GAB2: variants seen among roughly 807,000 people sequenced by gnomAD.
GAB2 encodes the protein GRB2 associated binding protein 2.
In GAB2, 26 loss-of-function variants were observed where a neutral mutation model predicts 65.5. That is an observed-to-expected ratio of 0.40 (90% CI 0.29 to 0.55). The LOEUF (loss-of-function observed/expected upper bound fraction) is 0.55, where lower values mean the gene tolerates loss of function less well. Among genes scored for constraint, GAB2 ranks in the 20% least tolerant of loss-of-function variants. The pLI is 0.53. For synonymous variants in GAB2, 321 were observed against 329.6 expected (o/e 0.97, Z 0.28); for missense variants, 884 against 875.8 (o/e 1.01, Z -0.12).
intron 1 of GAB2, among the ~76,000 whole-genome samples, chr11:78,383,297 T>C (rs556141887): frequency 9.2e-5 from 14 of 151,628 alleles, no homozygotes; most frequent in African/African-American, 3.4e-4. Context: ...AGAAATGAAA[T>C]AATCTTCCAG....
In GAB2 at chr11:78,274,048, G is replaced by A. The variant is rs573913640; in HGVS notation, c.376+6553C>T. ...TTGTAAATTGCCCAGTCTCAGGTAT[G>A]TTTTTATCAGCAGTATGAAAATGGA... On this transcript the variant is annotated intron_variant, in intron 2 of 9. Transcript: ENST00000361507. Among the ~76,000 whole-genome samples, 30 of 152,050 alleles carry A rather than the reference G, an allele frequency of 2.0e-4. No homozygotes were observed. In the South Asian group the frequency reaches 5.6e-3, roughly 28 times the overall value.
chr11:78,409,791 A>C (rs1017692249), intron 1 of GAB2, among the ~76,000 whole-genome samples: 4 of 152,312 alleles, frequency 2.6e-5, no homozygotes, highest in Admixed American at 2.0e-4. Context: ...CATTTATGGA[A>C]TACTTTACCC....
rs1047725149 is a variant in GAB2 at position 78,216,117 on chromosome 11, T to C, written c.*3155A>G. The C allele has an allele frequency of 3.3e-5, 5 of 152,764 alleles. No individual in the cohort carries two copies. The highest frequency in any genetic ancestry group is 3.3e-4 in the Admixed American group (5 of 15,298). The allele number at this position is 152,764 out of a possible 1,614,324, so 9.5% of individuals were successfully genotyped here. A position where few individuals can be genotyped will look rare whatever the true frequency, so the allele number is the denominator to read the frequency against. On this transcript the variant is annotated 3_prime_UTR_variant, in exon 10 of 10. Transcript: ENST00000361507. ...CCTTCAAGCAGCTGAGCACCAGCTG[T>C]GGATGGGACCTCAGCGCAGCTAATC...
chr11:78,255,558 C>G (rs1865573511), intron 2 of GAB2, among the ~76,000 whole-genome samples: 1 of 152,154 alleles, frequency 6.6e-6, no homozygotes, highest in Non-Finnish European at 1.5e-5. Flanking sequence ...TGGTTCCAAC[C>G]CCCAATTCTG....
intron 2 of GAB2, among the ~76,000 whole-genome samples, chr11:78,275,037 A>T (rs186399219): frequency 6.6e-6 from 1 of 152,336 alleles, no homozygotes; most frequent in East Asian, 1.9e-4. Context: ...CACAGAACAG[A>T]TGCTCAATAC....
intron 8 of GAB2, among the ~76,000 whole-genome samples, chr11:78,220,659 CTG>C (rs1461435185): frequency 6.6e-6 from 1 of 152,130 alleles, no homozygotes; most frequent in East Asian, 1.9e-4. Context: ...AAAGATGAAA[CTG>C]TGGTTCACTT....
intron 1 of GAB2, among the ~76,000 whole-genome samples, chr11:78,292,107 T>TA (rs146200993): frequency 0.013 from 2,013 of 152,234 alleles, 38 homozygotes; most frequent in African/African-American, 0.045. Flanking sequence ...ATACAACTGT[T>TA]ATGTTCTTCA....
At chr11:78,292,417 C>T (rs528254205) in intron 1 of GAB2, among the ~76,000 whole-genome samples, 1 of 152,320 alleles carries the variant, frequency 6.6e-6, no homozygotes, top group South Asian at 2.1e-4. Flanking sequence ...GTTCTGTTAT[C>T]TTTGGTATAC....
chr11:78,273,998 A>G (rs1015243185), intron 2 of GAB2, among the ~76,000 whole-genome samples: 2 of 139,022 alleles, frequency 1.4e-5, no homozygotes, highest in Non-Finnish European at 3.0e-5. Context: ...GGTCTATTAA[A>G]CCTGTTTTTT....
intron 1 of GAB2, chr11:78,341,884 T>C: frequency 1.0e-6 from 1 of 986,220 alleles, no homozygotes; most frequent in South Asian, 4.7e-5. Flanking sequence ...AAATTTCTGA[T>C]CCAAGTTATC....
intron 3 of GAB2, among the ~76,000 whole-genome samples, chr11:78,238,181 TTAAAA>T (rs1174156620): frequency 3.0e-5 from 4 of 134,336 alleles, no homozygotes; most frequent in Non-Finnish European, 4.7e-5. Context: ...ACCCTGCAAC[TTAAAA>T]TAAAAGTTGA....
At chr11:78,338,984 G>A (rs187115616) in intron 1 of GAB2, among the ~76,000 whole-genome samples, 20 of 151,900 alleles carry the variant, frequency 1.3e-4, no homozygotes, top group South Asian at 1.0e-3. Context: ...GTGCAGTGGC[G>A]TCATCTCAGC....
chr11:78,243,502 G>C, intron 3 of GAB2, among the ~76,000 whole-genome samples: 1 of 151,598 alleles, frequency 6.6e-6, no homozygotes, highest in Non-Finnish European at 1.5e-5. Context: ...AAAAGAAAAA[G>C]GAGACATTGT....
chr11:78,217,064 C>G lies in GAB2; in HGVS notation c.*2208G>C, dbSNP rs1864183174. The G allele has an allele frequency of 6.6e-6, 1 of 152,546 alleles. No homozygotes were observed. Among genetic ancestry groups the G allele is most frequent in the African/African-American group, 2.4e-5 (1 of 41,462 alleles). 9.4% of individuals were successfully genotyped at this position (152,546 alleles called of 1,614,324 possible). Reference sequence around the variant, plus strand: ...TGGACCCAAGCCCTGCCCTCCTCCTCTGTAAAAATCTGACTCATCCCCTTC... The same window carrying G: ...TGGACCCAAGCCCTGCCCTCCTCCTGTGTAAAAATCTGACTCATCCCCTTC... On this transcript the variant is annotated 3_prime_UTR_variant, in exon 10 of 10. Transcript: ENST00000361507.
chr11:78,322,870 G>A (rs896718877), intron 1 of GAB2, among the ~76,000 whole-genome samples: 1 of 151,424 alleles, frequency 6.6e-6, no homozygotes, highest in East Asian at 1.9e-4. Flanking sequence ...CACTGTTGGT[G>A]GGAATGTAAA....
At position 78,253,050 on chromosome 11, in the gene GAB2, A is replaced by G. The variant is rs917633732; in HGVS notation, c.377-2650T>C. 2.5e-5 allele frequency among the ~76,000 whole-genome samples: 3 copies of G among 121,716 alleles called. No homozygotes were observed. The Admixed American group carries it at 3.5e-4, about 14-fold the overall frequency. 79.9% of individuals were successfully genotyped at this position (121,716 alleles called of 152,430 possible). A position where few individuals can be genotyped will look rare whatever the true frequency, so the allele number is the denominator to read the frequency against. Reference sequence around the variant, plus strand: ...TTGTGAGACAGAGTCTCGCTCTGTCATCCAGGCTTAAATGCAGTGGTACGA... The same window carrying G: ...TTGTGAGACAGAGTCTCGCTCTGTCGTCCAGGCTTAAATGCAGTGGTACGA... On this transcript the variant is annotated intron_variant, in intron 2 of 9. Transcript: ENST00000361507.
At chr11:78,327,897 TTA>T (rs1855851703) in intron 1 of GAB2, among the ~76,000 whole-genome samples, 1 of 152,206 alleles carries the variant, frequency 6.6e-6, no homozygotes, top group Admixed American at 6.5e-5. Context: ...GAAGTGGATG[TTA>T]AAGACCTCTA....
chr11:78,329,267 A>G (rs763648925), intron 1 of GAB2, among the ~76,000 whole-genome samples: 13 of 152,214 alleles, frequency 8.5e-5, no homozygotes, highest in Non-Finnish European at 1.8e-4. Flanking sequence ...GAAAGAGAGT[A>G]GAGAGTTTAT....
chr11:78,240,859 G>A (rs533729419), intron 3 of GAB2, among the ~76,000 whole-genome samples: 16 of 152,296 alleles, frequency 1.1e-4, no homozygotes, highest in East Asian at 1.9e-4. Context: ...ATCCTGGCCC[G>A]GAGGGCAGTC....
Sources: allele counts gnomAD v4.1 joint callset (sites outside exome capture counted in the v4.1 genomes callset), GRCh38; gene constraint gnomAD v4.1.1; transcripts MANE v1.5; gene names NCBI Gene and HGNC (gene_info 2026-07-23, HGNC 2026-07-21).